Variants in SUFU observed in about 807,000 individuals in gnomAD.
SUFU encodes the protein SUFU negative regulator of hedgehog signaling, also known as suppressor of fused homolog.
SUFU carries 7 observed loss-of-function variants against 58.9 expected under a neutral mutation model. The ratio of observed to expected loss-of-function variants is 0.12; its 90% confidence interval spans 0.07 to 0.22. SUFU has a LOEUF of 0.22. SUFU is among the 10% of genes least tolerant of loss of function. The pLI is 1.00. For missense variants in SUFU, 451 were observed against 641.3 expected (o/e 0.70, Z 3.20); for synonymous variants, 232 against 254.8 (o/e 0.91, Z 0.85).
intron 3 of SUFU, among the ~76,000 whole-genome samples, chr10:102,586,214 A>C (rs1357590511): frequency 6.6e-6 from 1 of 152,102 alleles, no homozygotes; most frequent in African/African-American, 2.4e-5. Flanking sequence ...TTGGAGAAAT[A>C]TATTCAGATC....
intron 3 of SUFU, among the ~76,000 whole-genome samples, chr10:102,565,302 A>T (rs942798134): frequency 6.6e-6 from 1 of 152,146 alleles, no homozygotes; most frequent in East Asian, 1.9e-4. Context: ...ACTCAGGTGG[A>T]GAGGTAGCCA....
At chr10:102,579,793 C>G (rs1433126061) in intron 3 of SUFU, 1 of 985,166 alleles carries the variant, frequency 1.0e-6, no homozygotes, top group Non-Finnish European at 1.2e-6. Flanking sequence ...GAGGGAAGCT[C>G]TCAAACCAAA....
intron 3 of SUFU, among the ~76,000 whole-genome samples, chr10:102,586,645 C>A (rs962630965): frequency 1.1e-4 from 17 of 152,170 alleles, no homozygotes; most frequent in Admixed American, 1.1e-3. Flanking sequence ...CGCACTCTAG[C>A]CTGGGCGACA....
chr10:102,626,697 T>C (rs1299037889), intron 10 of SUFU, among the ~76,000 whole-genome samples: 1 of 152,194 alleles, frequency 6.6e-6, no homozygotes, highest in Admixed American at 6.5e-5. Flanking sequence ...TCCAGGGCAC[T>C]TCCAGATTCC....
intron 3 of SUFU, among the ~76,000 whole-genome samples, chr10:102,561,392 CAG>C (rs1269438825): frequency 2.0e-5 from 3 of 152,056 alleles, no homozygotes; most frequent in South Asian, 2.1e-4. Context: ...TTGTTTGAGA[CAG>C]AGTCTCGCTC....
chr10:102,594,790 C>T (rs932090062), intron 6 of SUFU, among the ~76,000 whole-genome samples: 6 of 152,176 alleles, frequency 3.9e-5, no homozygotes, highest in Non-Finnish European at 8.8e-5. Flanking sequence ...ACAATCTCGG[C>T]TTACTGCAGC....
At chr10:102,611,420 A>T (rs1029507309) in intron 8 of SUFU, among the ~76,000 whole-genome samples, 1 of 152,214 alleles carries the variant, frequency 6.6e-6, no homozygotes, top group Non-Finnish European at 1.5e-5. Flanking sequence ...GCCTTTCCAG[A>T]GCACCAGTGG....
At chr10:102,534,893 TATGCCTGTTGGAGAC>T (rs2062717686) in intron 2 of SUFU, among the ~76,000 whole-genome samples, 2 of 152,138 alleles carry the variant, frequency 1.3e-5, no homozygotes, top group South Asian at 4.1e-4. Flanking sequence ...GGCTTGTCCC[TATGCCTGTTGGAGAC>T]ATGCATGGGA....
At chr10:102,532,310 C>T (rs979934200) in intron 2 of SUFU, among the ~76,000 whole-genome samples, 2 of 152,236 alleles carry the variant, frequency 1.3e-5, no homozygotes, top group African/African-American at 4.8e-5. Context: ...GCCAGAGGGC[C>T]CAGGAGCCCC....
At chr10:102,614,599 G>A (rs1400349263) in intron 8 of SUFU, among the ~76,000 whole-genome samples, 1 of 150,288 alleles carries the variant, frequency 6.7e-6, no homozygotes, top group African/African-American at 2.5e-5. Flanking sequence ...CCAAAGGCTG[G>A]GTGCAGTGGC....
At chr10:102,528,660 T>C (rs1166273583) in intron 2 of SUFU, among the ~76,000 whole-genome samples, 2 of 152,206 alleles carry the variant, frequency 1.3e-5, no homozygotes, top group South Asian at 2.1e-4. Context: ...GCCTGAAGTG[T>C]TGGGAGCCGG....
intron 2 of SUFU, among the ~76,000 whole-genome samples, chr10:102,523,494 TG>T (rs2062574348): frequency 6.6e-6 from 1 of 152,188 alleles, no homozygotes; most frequent in African/African-American, 2.4e-5. Flanking sequence ...GCTTTTGGCC[TG>T]TGATGGATTT....
At chr10:102,594,214 C>A in intron 6 of SUFU, 149 bp downstream of exon 6, 1 of 808,148 alleles carries the variant, frequency 1.2e-6, no homozygotes, top group Non-Finnish European at 2.1e-6. Flanking sequence ...CTGAATTCTG[C>A]AGAGCACGTA....
chr10:102,593,542 C>T, intron 4 of SUFU, 94 bp from the exon 5 acceptor site: 1 of 1,256,154 alleles, frequency 8.0e-7, no homozygotes. Context: ...TGTGGTCTCC[C>T]AACTGGAGGT....
chr10:102,568,947 T>TATATAC, intron 3 of SUFU, among the ~76,000 whole-genome samples: 1 of 82,544 alleles, frequency 1.2e-5, no homozygotes, highest in South Asian at 5.0e-4. Context: ...TATATATATA[T>TATATAC]ATATATATAT....
At position 102,615,329 on chromosome 10, in the gene SUFU, C is replaced by T. The variant is rs36049457; in HGVS notation, c.1084C>T (p.Arg362Cys). Residue 362 changes from arginine to cysteine, a missense_variant, in exon 9 of 12, where the codon CGC (arginine) becomes TGC (cysteine). Transcript: ENST00000369902. Reference sequence around the variant, plus strand: ...GGCCATCATTCCCCATGAGCTGATTCGCACGCGGCAGCTTGAGAGCGTACA... The same window carrying T: ...GGCCATCATTCCCCATGAGCTGATTTGCACGCGGCAGCTTGAGAGCGTACA... The part of the protein sequence containing the change: ...STAIIPHELI[R>C]TRQLESVHLK... 145 of 1,614,164 alleles carry T rather than the reference C, an allele frequency of 9.0e-5. No homozygotes were observed. In the African/African-American group the frequency reaches 1.4e-3, roughly 15 times the overall value.
chr10:102,513,814 T>C lies in SUFU; in HGVS notation c.317+4511T>C, dbSNP rs142682143. On this transcript the variant is annotated intron_variant, in intron 2 of 11. Transcript: ENST00000369902. ...ACTTCTAGTGCCACTTTCATAATTGTTGCCACTTGTAGTATTATTTACTTC... is the reference window on the plus strand; with the variant it reads ...ACTTCTAGTGCCACTTTCATAATTGCTGCCACTTGTAGTATTATTTACTTC... Among the ~76,000 whole-genome samples, 504 of 152,370 alleles carry C rather than the reference T, an allele frequency of 3.3e-3. 3 individuals carry two copies. The highest frequency in any genetic ancestry group is 0.012 in the African/African-American group (485 of 41,584).
intron 2 of SUFU, among the ~76,000 whole-genome samples, chr10:102,510,056 G>A (rs1174475266): frequency 6.6e-6 from 1 of 151,772 alleles, no homozygotes; most frequent in East Asian, 1.9e-4. Context: ...GCCCAGGCTG[G>A]TCTCAAACTC....
chr10:102,621,329 G>T (rs890265826), intron 10 of SUFU, among the ~76,000 whole-genome samples: 1 of 152,154 alleles, frequency 6.6e-6, no homozygotes, highest in African/African-American at 2.4e-5. Context: ...CCAGCAATGC[G>T]CCTGGGGAAG....
Sources: gnomAD v4.1 joint callset for allele counts (sites outside exome capture counted in the v4.1 genomes callset) on GRCh38, gnomAD v4.1.1 for gene constraint, MANE v1.5 for transcripts, NCBI Gene and HGNC (gene_info 2026-07-23, HGNC 2026-07-21) for gene names.